Variants in PCDH9 observed in about 807,000 individuals in gnomAD.
The protein encoded by PCDH9 is protocadherin 9, also known as protocadherin-9.
PCDH9 carries 24 observed loss-of-function variants against 70.6 expected under a neutral mutation model. The ratio of observed to expected loss-of-function variants is 0.34; its 90% CI spans 0.25 to 0.48. The LOEUF (loss-of-function observed/expected upper bound fraction) is 0.48, where lower values mean the gene tolerates loss of function less well. PCDH9 is among the 20% of genes least tolerant of loss of function. PCDH9 has a pLI of 0.99. For synonymous variants in PCDH9, 562 were observed against 558.5 expected (o/e 1.01, Z -0.09); for missense variants, 1,281 against 1,503.6 (o/e 0.85, Z 2.45).
chr13:66,428,699 C>T (rs760992969), intron 4 of PCDH9, among the ~76,000 whole-genome samples: 11 of 151,452 alleles, frequency 7.3e-5, no homozygotes, highest in Non-Finnish European at 1.0e-4. Flanking sequence ...ATTGAATATA[C>T]GAGATATTTA....
intron 4 of PCDH9, among the ~76,000 whole-genome samples, chr13:66,498,184 C>T (rs1428733847): frequency 7.2e-6 from 1 of 139,068 alleles, no homozygotes; most frequent in Non-Finnish European, 1.5e-5. Context: ...CGCTCTGTCG[C>T]CCAGGCTGGA....
chr13:66,587,858 A>G (rs1040618034), intron 4 of PCDH9, among the ~76,000 whole-genome samples: 5 of 152,034 alleles, frequency 3.3e-5, no homozygotes, highest in African/African-American at 9.7e-5. Context: ...TTCAAACCAA[A>G]TAAAATATTG....
chr13:66,682,983 C>T (rs1346957424), intron 3 of PCDH9, among the ~76,000 whole-genome samples: 3 of 152,232 alleles, frequency 2.0e-5, no homozygotes, highest in East Asian at 1.9e-4. Context: ...TTTTATTAGT[C>T]CACAGAATGC....
At chr13:66,851,311 AT>A (rs769152765) in intron 3 of PCDH9, among the ~76,000 whole-genome samples, 32 of 152,182 alleles carry the variant, frequency 2.1e-4, no homozygotes, top group Admixed American at 6.5e-5. Flanking sequence ...TAAAACAGAA[AT>A]ACAAATAAAT....
At chr13:66,401,491 C>G (rs1957186374) in intron 4 of PCDH9, among the ~76,000 whole-genome samples, 1 of 152,124 alleles carries the variant, frequency 6.6e-6, no homozygotes, top group East Asian at 1.9e-4. Context: ...AATTAAGCCT[C>G]TTTCCTTTAT....
intron 4 of PCDH9, among the ~76,000 whole-genome samples, chr13:66,559,695 G>A (rs1027411161): frequency 4.7e-5 from 7 of 150,504 alleles, no homozygotes; most frequent in Admixed American, 4.0e-4. Context: ...AGCTTCTCAG[G>A]AGGCTGAGGC....
intron 3 of PCDH9, among the ~76,000 whole-genome samples, chr13:66,672,657 G>A (rs9571613): frequency 1.6e-4 from 24 of 152,074 alleles, no homozygotes; most frequent in African/African-American, 5.3e-4. Context: ...CAGTTGGGAG[G>A]GGGGCTGTAC....
chr13:67,018,302 A>G (rs17082049), intron 2 of PCDH9, among the ~76,000 whole-genome samples: 6,904 of 152,218 alleles, frequency 0.045, 281 homozygotes, highest in African/African-American at 0.11. Flanking sequence ...ATTTTTCAAA[A>G]GAAACATAAA....
At chr13:66,526,016 G>C (rs1411265852) in intron 4 of PCDH9, among the ~76,000 whole-genome samples, 3 of 151,976 alleles carry the variant, frequency 2.0e-5, no homozygotes, top group African/African-American at 7.2e-5. Context: ...ACATTGATCT[G>C]ATTCCCCCAA....
intron 4 of PCDH9, among the ~76,000 whole-genome samples, chr13:66,523,196 A>ACTC (rs574702892): frequency 2.8e-4 from 43 of 151,714 alleles, no homozygotes; most frequent in African/African-American, 7.2e-4. Context: ...AATGCTGCGT[A>ACTC]CTCCTCCTCC....
intron 2 of PCDH9, chr13:67,204,449 G>A (rs1424352038): frequency 6.6e-6 from 1 of 152,090 alleles, no homozygotes; most frequent in East Asian, 1.9e-4. Context: ...CTTGTGTAAT[G>A]TTGTCCAGTT....
chr13:66,382,545 CAT>C (rs1295886769), intron 4 of PCDH9, among the ~76,000 whole-genome samples: 3 of 151,850 alleles, frequency 2.0e-5, no homozygotes, highest in Non-Finnish European at 4.4e-5. Context: ...CAATTATAAT[CAT>C]GTTTGAATGA....
chr13:66,598,768 G>A (rs1174804125), intron 4 of PCDH9, among the ~76,000 whole-genome samples: 1 of 151,798 alleles, frequency 6.6e-6, no homozygotes, highest in East Asian at 1.9e-4. Flanking sequence ...AAGGGAAAAG[G>A]GAAAACTAAC....
At chr13:66,506,057 G>A (rs1014816392) in intron 4 of PCDH9, among the ~76,000 whole-genome samples, 5 of 152,086 alleles carry the variant, frequency 3.3e-5, no homozygotes, top group African/African-American at 9.7e-5. Context: ...TCCTAACCAT[G>A]CTCTTATAGT....
chr13:66,647,101 T>G (rs1284700900), intron 3 of PCDH9, among the ~76,000 whole-genome samples: 2 of 152,030 alleles, frequency 1.3e-5, no homozygotes, highest in Admixed American at 1.3e-4. Context: ...TAAATAAACT[T>G]GAAAGGCAGT....
intron 3 of PCDH9, among the ~76,000 whole-genome samples, chr13:66,682,981 G>A (rs1010392393): frequency 2.6e-5 from 4 of 152,146 alleles, no homozygotes; most frequent in South Asian, 2.1e-4. Context: ...GCTTTTATTA[G>A]TCCACAGAAT....
chr13:66,937,516 C>T (rs774289831), intron 2 of PCDH9, among the ~76,000 whole-genome samples: 31 of 152,206 alleles, frequency 2.0e-4, no homozygotes, highest in Non-Finnish European at 4.0e-4. Context: ...ATCTGTATTG[C>T]GAGTTCACGG....
At chr13:66,864,738 C>CTTGT (rs1432168228) in intron 3 of PCDH9, among the ~76,000 whole-genome samples, 2 of 152,274 alleles carry the variant, frequency 1.3e-5, no homozygotes, top group South Asian at 4.1e-4. Flanking sequence ...GACTGCACTG[C>CTTGT]TTGTTTGTTT....
At chr13:67,002,845 A>C (rs2084272231) in intron 2 of PCDH9, among the ~76,000 whole-genome samples, 1 of 152,064 alleles carries the variant, frequency 6.6e-6, no homozygotes, top group Non-Finnish European at 1.5e-5. Context: ...TGACCAGTCC[A>C]TTAATTATCA....
Sources: allele counts gnomAD v4.1 joint callset (sites outside exome capture counted in the v4.1 genomes callset), GRCh38; gene constraint gnomAD v4.1.1; transcripts MANE v1.5; gene names NCBI Gene and HGNC (gene_info 2026-07-23, HGNC 2026-07-21).